Variants in LDB2 observed in about 807,000 individuals in gnomAD.
LDB2 encodes LIM domain-binding protein 2.
In LDB2, 12 loss-of-function variants were observed where a neutral mutation model predicts 44.3. That is an observed-to-expected ratio of 0.27 (90% CI 0.17 to 0.44). The LOEUF (loss-of-function observed/expected upper bound fraction) is 0.44, where lower values mean the gene tolerates loss of function less well. Among genes scored for constraint, LDB2 ranks in the 20% least tolerant of loss-of-function variants. LDB2 has a pLI of 1.00. For synonymous variants in LDB2, 164 were observed against 174.8 expected (o/e 0.94, Z 0.49); for missense variants, 344 against 473.5 (o/e 0.73, Z 2.54).
intron 1 of LDB2, among the ~76,000 whole-genome samples, chr4:16,889,026 G>T (rs1722552159): frequency 6.6e-6 from 1 of 151,684 alleles, no homozygotes. Context: ...ACCAAAAGCT[G>T]CACACATACA....
chr4:16,749,177 A>G (rs1054574753), intron 2 of LDB2, among the ~76,000 whole-genome samples: 1 of 152,180 alleles, frequency 6.6e-6, no homozygotes, highest in African/African-American at 2.4e-5. Flanking sequence ...TTTTGAGACT[A>G]TGTGGTGAAA....
rs375732524 is a variant in LDB2 at position 16,796,531 on chromosome 4, T to A, written c.133-37271A>T. Among the ~76,000 whole-genome samples, 35 of 152,306 alleles carry A rather than the reference T, an allele frequency of 2.3e-4. No homozygotes were observed. The East Asian group carries it at 6.4e-3, about 28-fold the overall frequency. ...AAATAAATGGAAGAGATGAGACACATTTCCCATGCAGAAGAATCACAAGTG... is the reference window on the plus strand; with the variant it reads ...AAATAAATGGAAGAGATGAGACACAATTCCCATGCAGAAGAATCACAAGTG... On this transcript the variant is annotated intron_variant, in intron 1 of 7. Transcript: ENST00000304523.
At chr4:16,791,956 T>C (rs1775851573) in intron 1 of LDB2, among the ~76,000 whole-genome samples, 1 of 152,246 alleles carries the variant, frequency 6.6e-6, no homozygotes, top group African/African-American at 2.4e-5. Flanking sequence ...TTTTTTATTA[T>C]GTGATACTTC....
intron 2 of LDB2, among the ~76,000 whole-genome samples, chr4:16,728,379 T>C (rs1385276269): frequency 6.6e-6 from 1 of 151,642 alleles, no homozygotes; most frequent in Non-Finnish European, 1.5e-5. Context: ...GAAATAGAAA[T>C]AGAGAGATGA....
intron 2 of LDB2, among the ~76,000 whole-genome samples, chr4:16,601,485 A>G (rs996103767): frequency 3.3e-5 from 5 of 152,180 alleles, no homozygotes; most frequent in Non-Finnish European, 5.9e-5. Flanking sequence ...AACTAACAAT[A>G]TATTAATGCC....
chr4:16,587,880 AT>A (rs1400897880), intron 4 of LDB2, among the ~76,000 whole-genome samples: 1 of 152,210 alleles, frequency 6.6e-6, no homozygotes, highest in Non-Finnish European at 1.5e-5. Context: ...ATCATGAGAT[AT>A]ACAAAATGTT....
rs142083747 is a variant in LDB2, at chr4:16,526,859, T to G, written c.616-14755A>C. Among the ~76,000 whole-genome samples, 513 of 152,322 alleles carry G rather than the reference T, an allele frequency of 3.4e-3. 3 individuals are homozygous for G. Among genetic ancestry groups the G allele is most frequent in the African/African-American group, 0.012 (486 of 41,574 alleles). Reference sequence around the variant, plus strand: ...GACTTCTGATCTACCGCAAGATCAATTATGTTGTTCCCAGCCACTAAGTTT... The same window carrying G: ...GACTTCTGATCTACCGCAAGATCAAGTATGTTGTTCCCAGCCACTAAGTTT... On this transcript the variant is annotated intron_variant, in intron 5 of 7. Coordinates refer to ENST00000304523, the MANE Select transcript of LDB2 (RefSeq NM_001290.5).
At chr4:16,708,095 A>G (rs569927164) in intron 2 of LDB2, among the ~76,000 whole-genome samples, 1 of 152,224 alleles carries the variant, frequency 6.6e-6, no homozygotes, top group East Asian at 1.9e-4. Flanking sequence ...ACAGTGGCTC[A>G]CTGGTGGTAA....
intron 5 of LDB2, among the ~76,000 whole-genome samples, chr4:16,536,045 T>G (rs1361680394): frequency 6.6e-6 from 1 of 152,222 alleles, no homozygotes; most frequent in African/African-American, 2.4e-5. Flanking sequence ...CAATCCCAAC[T>G]ATGCTTACTT....
chr4:16,554,769 G>T (rs936425965), intron 5 of LDB2, among the ~76,000 whole-genome samples: 1 of 152,228 alleles, frequency 6.6e-6, no homozygotes, highest in Admixed American at 6.5e-5. Context: ...TAAATGGGGA[G>T]AGACGGATGA....
At position 16,806,970 on chromosome 4, in the gene LDB2, TTAG is replaced by T. The variant is rs775565340; in HGVS notation, c.133-47713_133-47711del. On this transcript the variant is annotated intron_variant, in intron 1 of 7. Transcript: ENST00000304523. ...TTAGAAAAATGCTATATACACATTA[TTAG>T]TAGTATTTTTGCGTTTCAAATCTCC... Among the ~76,000 whole-genome samples, 208 of 152,326 alleles carry T rather than the reference TTAG, an allele frequency of 1.4e-3. 2 individuals are homozygous for T. The highest frequency in any genetic ancestry group is 7.9e-4 in the Non-Finnish European group (54 of 68,038).
intron 2 of LDB2, among the ~76,000 whole-genome samples, chr4:16,684,917 A>G (rs2152572075): frequency 6.6e-6 from 1 of 152,332 alleles, no homozygotes; most frequent in Middle Eastern, 3.4e-3. Flanking sequence ...ATAGCTATGA[A>G]ATGTAAATAA....
intron 2 of LDB2, among the ~76,000 whole-genome samples, chr4:16,633,334 G>A (rs1732562205): frequency 6.6e-6 from 1 of 152,068 alleles, no homozygotes; most frequent in Non-Finnish European, 1.5e-5. Context: ...TATACCTAAT[G>A]TAAATGACGA....
intron 2 of LDB2, among the ~76,000 whole-genome samples, chr4:16,619,942 A>G (rs1190989617): frequency 5.9e-5 from 9 of 152,152 alleles, no homozygotes. Context: ...ATGAATAACC[A>G]TTTCATCGGC....
intron 2 of LDB2, among the ~76,000 whole-genome samples, chr4:16,758,145 G>A (rs1297021271): frequency 6.6e-6 from 1 of 152,154 alleles, no homozygotes; most frequent in Non-Finnish European, 1.5e-5. Context: ...GTTGCTAATA[G>A]TATGCAAATA....
intron 2 of LDB2, among the ~76,000 whole-genome samples, chr4:16,604,238 T>C (rs1723315354): frequency 6.6e-6 from 1 of 152,184 alleles, no homozygotes; most frequent in Admixed American, 6.5e-5. Flanking sequence ...ATTTTAGTTA[T>C]GCTAAATGGT....
intron 1 of LDB2, among the ~76,000 whole-genome samples, chr4:16,842,878 C>G (rs759296734): frequency 3.9e-5 from 6 of 152,090 alleles, no homozygotes; most frequent in Non-Finnish European, 8.8e-5. Context: ...TGATATAGGG[C>G]TACTGTGAGG....
chr4:16,638,070 A>C (rs901040999), intron 2 of LDB2, among the ~76,000 whole-genome samples: 9 of 152,196 alleles, frequency 5.9e-5, no homozygotes, highest in Admixed American at 3.3e-4. Context: ...CGAATGAAAA[A>C]CATAAAATGC....
chr4:16,736,412 AG>A (rs1202159874), intron 2 of LDB2, among the ~76,000 whole-genome samples: 1 of 152,230 alleles, frequency 6.6e-6, no homozygotes, highest in Non-Finnish European at 1.5e-5. Flanking sequence ...ATTTTTAAAA[AG>A]GCTGTTTCCG....
Sources: allele counts gnomAD v4.1 joint callset (sites outside exome capture counted in the v4.1 genomes callset), GRCh38; gene constraint gnomAD v4.1.1; transcripts MANE v1.5; gene names NCBI Gene and HGNC (gene_info 2026-07-23, HGNC 2026-07-21).